LUZP2: variants seen among roughly 807,000 people sequenced by gnomAD.
The protein encoded by LUZP2 is leucine zipper protein 2.
LUZP2 carries 52 observed loss-of-function variants against 51.6 expected under a neutral mutation model. The observed-to-expected ratio is 1.01, with a 90% confidence interval of 0.81 to 1.27. The LOEUF is 1.27. LUZP2 is among the 50% of genes most tolerant of loss of function. The pLI, the probability that LUZP2 is intolerant of heterozygous loss-of-function variation, is 0.00. For synonymous variants in LUZP2, 154 were observed against 137.3 expected (o/e 1.12, Z -0.85); for missense variants, 436 against 395.4 (o/e 1.10, Z -0.87).
intron 1 of LUZP2, among the ~76,000 whole-genome samples, chr11:24,564,440 T>C (rs960682229): frequency 2.0e-5 from 3 of 152,292 alleles, no homozygotes; most frequent in Non-Finnish European, 4.4e-5. Flanking sequence ...ACATTATTCC[T>C]CTTGAACTAT....
chr11:24,711,699 A>G (rs193097624), intron 1 of LUZP2, among the ~76,000 whole-genome samples: 98 of 152,238 alleles, frequency 6.4e-4, no homozygotes, highest in African/African-American at 2.2e-3. Flanking sequence ...CATACAACAC[A>G]TAATTTTATA....
chr11:24,687,538 G>T (rs1198912679), intron 1 of LUZP2, among the ~76,000 whole-genome samples: 2 of 152,194 alleles, frequency 1.3e-5, no homozygotes, highest in Non-Finnish European at 2.9e-5. Flanking sequence ...AGGTCACAGA[G>T]CCGCTAAGAA....
chr11:24,916,945 C>T (rs1202454217), intron 7 of LUZP2, among the ~76,000 whole-genome samples: 2 of 152,160 alleles, frequency 1.3e-5, no homozygotes, highest in African/African-American at 4.8e-5. Context: ...TTGACAGTCC[C>T]ATCAACAGTG....
At chr11:25,038,838 A>G (rs193254030) in intron 9 of LUZP2, among the ~76,000 whole-genome samples, 3 of 152,328 alleles carry the variant, frequency 2.0e-5, no homozygotes, top group East Asian at 3.9e-4. Context: ...GGAAGCTTTC[A>G]TAGAGCTAAG....
Position 24,656,127 on chromosome 11 carries a change from G to C in LUZP2, c.63-73042G>C, listed in dbSNP as rs539344644. ...TTCTATCATTCCTGAAACAGAAATA[G>C]GTAACTCAAAATGAAGTTAAATCTA... On this transcript the variant is annotated intron_variant, in intron 1 of 11. Coordinates refer to ENST00000336930, the MANE Select transcript of LUZP2 (RefSeq NM_001009909.4). 2.0e-5 allele frequency among the ~76,000 whole-genome samples: 3 copies of C among 152,218 alleles called. No individual in the cohort carries two copies. In the East Asian group the frequency reaches 5.8e-4, roughly 29 times the overall value.
Position 25,012,060 on chromosome 11 carries a change from T to A in LUZP2, c.765+28767T>A, listed in dbSNP as rs978203690. Among the ~76,000 whole-genome samples the A allele has an allele frequency of 4.8e-4, 73 of 152,244 alleles. 1 individual carries two copies. Among genetic ancestry groups the A allele is most frequent in the African/African-American group, 1.7e-3 (71 of 41,566 alleles). On this transcript the variant is annotated intron_variant, in intron 9 of 11. Transcript: ENST00000336930. ...AATGGTTCATTTTTAGGAAAACACA[T>A]ACACTTATTTTTGTTGGTTAGCAAT...
intron 5 of LUZP2, among the ~76,000 whole-genome samples, chr11:24,818,390 G>T (rs1380607411): frequency 6.6e-6 from 1 of 151,966 alleles, no homozygotes; most frequent in African/African-American, 2.4e-5. Flanking sequence ...TAACAAATGG[G>T]TTTTTAGAAA....
chr11:24,598,636 A>T (rs1853522863), intron 1 of LUZP2, among the ~76,000 whole-genome samples: 1 of 152,164 alleles, frequency 6.6e-6, no homozygotes, highest in African/African-American at 2.4e-5. Flanking sequence ...AAATAAGCTA[A>T]TCATATCCCG....
chr11:24,695,432 C>A (rs776119510), intron 1 of LUZP2, among the ~76,000 whole-genome samples: 94 of 152,108 alleles, frequency 6.2e-4, no homozygotes, highest in South Asian at 1.2e-3. Flanking sequence ...CTCAGCATAT[C>A]ATTTACCTCA....
chr11:24,591,970 G>A (rs1173092721), intron 1 of LUZP2, among the ~76,000 whole-genome samples: 6 of 152,148 alleles, frequency 3.9e-5, no homozygotes, highest in African/African-American at 1.4e-4. Context: ...CTCAGCGAAG[G>A]ATGACTTTCC....
At chr11:24,652,921 TAAG>T (rs1855674685) in intron 1 of LUZP2, among the ~76,000 whole-genome samples, 2 of 152,126 alleles carry the variant, frequency 1.3e-5, no homozygotes, top group Admixed American at 1.3e-4. Flanking sequence ...TATCAAAATT[TAAG>T]TAACCTTTAT....
At chr11:24,995,247 G>C (rs1482214370) in intron 9 of LUZP2, among the ~76,000 whole-genome samples, 1 of 151,966 alleles carries the variant, frequency 6.6e-6, no homozygotes, top group African/African-American at 2.4e-5. Flanking sequence ...ACAGAAATTA[G>C]CTGGGCGTGG....
At chr11:24,768,129 T>C (rs2134044456) in intron 5 of LUZP2, among the ~76,000 whole-genome samples, 1 of 149,768 alleles carries the variant, frequency 6.7e-6, no homozygotes, top group South Asian at 2.1e-4. Flanking sequence ...TTTAATTAGT[T>C]GAAATTTTTT....
intron 10 of LUZP2, among the ~76,000 whole-genome samples, chr11:25,061,568 T>C (rs184524080): frequency 6.6e-6 from 1 of 152,316 alleles, no homozygotes; most frequent in East Asian, 1.9e-4. Context: ...CTGATTAATT[T>C]GCATATTTTA....
chr11:24,882,942 GAAAGAAAGGAAGA>G (rs1852529756), intron 5 of LUZP2, among the ~76,000 whole-genome samples: 1 of 134,470 alleles, frequency 7.4e-6, no homozygotes, highest in Non-Finnish European at 1.5e-5. Flanking sequence ...GAAAGAAAGA[GAAAGAAAGGAAGA>G]AAGAAAGAGA....
At position 24,736,536 on chromosome 11, in the gene LUZP2, G is replaced by T. The variant is rs1484628004; in HGVS notation, c.252-1685G>T. Among the ~76,000 whole-genome samples, 6 of 149,590 alleles carry T rather than the reference G, an allele frequency of 4.0e-5. No homozygotes were observed. In the Admixed American group the frequency reaches 4.0e-4, roughly 10 times the overall value. ...CCTTCCTTCCTTCTCAGTAGAGATA[G>T]TATAGTAACTCTTTATAGTTTGAGC... On this transcript the variant is annotated intron_variant, in intron 3 of 11. Coordinates refer to ENST00000336930, the MANE Select transcript of LUZP2 (RefSeq NM_001009909.4).
At chr11:24,530,883 A>G (rs11027980) in intron 1 of LUZP2, among the ~76,000 whole-genome samples, 27,840 of 142,774 alleles carry the variant, frequency 0.19, 4,601 homozygotes, top group African/African-American at 0.45. Flanking sequence ...CTCGTTTTCC[A>G]TTTGGTCTTT....
At chr11:25,019,607 A>G (rs1006644952) in intron 9 of LUZP2, among the ~76,000 whole-genome samples, 5 of 152,130 alleles carry the variant, frequency 3.3e-5, no homozygotes, top group South Asian at 4.1e-4. Context: ...CTTCATTTTT[A>G]TGTCCTCCTT....
intron 5 of LUZP2, among the ~76,000 whole-genome samples, chr11:24,897,110 A>G (rs1853090011): frequency 6.6e-6 from 1 of 151,636 alleles, no homozygotes; most frequent in Non-Finnish European, 1.5e-5. Context: ...GAGAACTTTT[A>G]CCTCTGGCTA....
Sources: gnomAD v4.1 joint callset for allele counts (sites outside exome capture counted in the v4.1 genomes callset) on GRCh38, gnomAD v4.1.1 for gene constraint, MANE v1.5 for transcripts, NCBI Gene and HGNC (gene_info 2026-07-23, HGNC 2026-07-21) for gene names.